ANKRD11: variants seen among roughly 807,000 people sequenced by gnomAD.
The protein encoded by ANKRD11 is ankyrin repeat domain-containing protein 11.
ANKRD11 carries 17 observed loss-of-function variants against 195.7 expected under a neutral mutation model. The observed-to-expected ratio is 0.09, with a 90% CI of 0.06 to 0.13. ANKRD11 has a LOEUF of 0.13. Ranked by LOEUF, ANKRD11 falls within the 10% of genes least tolerant of loss-of-function variation. The pLI is 1.00. For missense variants in ANKRD11, 3,735 were observed against 3,566.1 expected, an observed-to-expected ratio of 1.05 and a Z score of -1.21; for synonymous variants, 1,953 against 1,528.1, an observed-to-expected ratio of 1.28 and a Z score of -6.49.
Position 89,477,881 on chromosome 16 carries a change from G to A in ANKRD11, c.-145+12364C>T, listed in dbSNP as rs146995511. ...TTGAATGCAGGAGAACTGCTTGAAC[G>A]CAGGAGGCGAAGGTTTCAGTGAGCC... On this transcript the variant is annotated intron_variant, in intron 1 of 12. Coordinates refer to ENST00000301030, the MANE Select transcript of ANKRD11 (RefSeq NM_013275.6). Among the ~76,000 whole-genome samples the A allele has an allele frequency of 2.6e-4, 39 of 152,114 alleles. 1 individual carries two copies. In the South Asian group the frequency reaches 5.4e-3, roughly 21 times the overall value.
At chr16:89,391,417 G>C (rs1336775761) in intron 2 of ANKRD11, among the ~76,000 whole-genome samples, 2 of 152,108 alleles carry the variant, frequency 1.3e-5, no homozygotes, top group East Asian at 3.9e-4. Context: ...ACAGTGTCCA[G>C]GCTGCACGGG....
In ANKRD11 at chr16:89,285,267, C is replaced by G; in HGVS notation, c.1275G>C (p.Lys425Asn). ...DASVTVGTGE[K>N]LRLSAHTILP... ...ATATCGTATGTGCCGAGAGTCTCAG[C>G]TTCTCTCCTGTCCCCACGGTGACAC... Residue 425 changes from lysine (K) to asparagine (N), a missense_variant, in exon 9 of 13, where the codon AAG (lysine) becomes AAC (asparagine). Coordinates refer to ENST00000301030, the MANE Select transcript of ANKRD11 (RefSeq NM_013275.6). The surrounding 1 kb of genome is among the most constrained non-coding windows in gnomAD (Gnocchi z 5.6). 1 of 1,613,892 alleles carries G rather than the reference C, an allele frequency of 6.2e-7. No individual in the cohort carries two copies. Among genetic ancestry groups the G allele is most frequent in the Non-Finnish European group, 8.5e-7 (1 of 1,180,032 alleles).
chr16:89,488,191 C>A (rs1364036980), intron 1 of ANKRD11, among the ~76,000 whole-genome samples: 1 of 152,146 alleles, frequency 6.6e-6, no homozygotes, highest in Non-Finnish European at 1.5e-5. Context: ...AAATTTAGCA[C>A]TATCTTGTGG....
At chr16:89,323,664 C>T (rs1296547675) in intron 2 of ANKRD11, 3 of 314,744 alleles carry the variant, frequency 9.5e-6, no homozygotes, top group African/African-American at 4.6e-5. Context: ...TCCCGCACAC[C>T]GCCTGACAGT....
intron 1 of ANKRD11, among the ~76,000 whole-genome samples, chr16:89,480,346 G>GGGT (rs2152371204): frequency 6.9e-6 from 1 of 144,298 alleles, no homozygotes; most frequent in East Asian, 2.2e-4. Flanking sequence ...GCCTGGTGGT[G>GGGT]GGTGCCTGTA....
In ANKRD11 at chr16:89,410,532, G is replaced by A. The variant is rs545848038; in HGVS notation, c.-60+7752C>T. ...CCACGGAAGGGAAACACCTGCCCCC[G>A]GGCTACAAAGGCCACCCTCTGCCCT... On this transcript the variant is annotated intron_variant, in intron 2 of 12. Coordinates refer to ENST00000301030, the MANE Select transcript of ANKRD11 (RefSeq NM_013275.6). Among the ~76,000 whole-genome samples the A allele has an allele frequency of 8.5e-5, 13 of 152,182 alleles. No homozygotes were observed. In the South Asian group the frequency reaches 1.9e-3, roughly 22 times the overall value.
intron 4 of ANKRD11, among the ~76,000 whole-genome samples, chr16:89,296,006 T>TTTTTTTTTTTA (rs1567600750): frequency 2.9e-5 from 4 of 137,878 alleles, no homozygotes; most frequent in African/African-American, 8.3e-5. Context: ...TTTTTTTTTT[T>TTTTTTTTTTTA]GAGACAAGGT....
At position 89,280,043 on chromosome 16, in the gene ANKRD11, G is replaced by A. The variant is rs1419368600; in HGVS notation, c.6499C>T (p.Pro2167Ser). 1.9e-6 allele frequency: 3 copies of A among 1,612,902 alleles called. No homozygotes were observed. The highest frequency in any genetic ancestry group is 2.2e-5 in the South Asian group (2 of 91,088). ...TTTATGACCCCGGGGGCCCCTGGAG[G>A]CATCTCTTCTGGAGGAGCAAGACTT... ...EESLAPPEEM[P>S]PGAPGVINGG... is the part of the protein sequence containing the mutation. Residue 2167 changes from proline to serine, a missense_variant, in exon 9 of 13, where the codon CCT (proline) becomes TCT (serine). Coordinates refer to ENST00000301030, the MANE Select transcript of ANKRD11 (RefSeq NM_013275.6).
chr16:89,288,799 G>A, intron 6 of ANKRD11, 129 bp from the exon 7 acceptor site: 1 of 1,347,218 alleles, frequency 7.4e-7, no homozygotes, highest in Non-Finnish European at 1.0e-6. Context: ...TGTAGTGAGG[G>A]CTGCAGTTTA....
At chr16:89,278,818 G>C (rs1447022763) in intron 9 of ANKRD11, 1 of 672,684 alleles carries the variant, frequency 1.5e-6, no homozygotes, top group Non-Finnish European at 2.7e-6. Context: ...TGCACCCAGG[G>C]TGAGGGGGAG....
Position 89,281,290 on chromosome 16 carries a change from G to A in ANKRD11, c.5252C>T (p.Ala1751Val), listed in dbSNP as rs1271808552. ...DSQHSTPVPTAPTSACSPSFF... is the reference protein window; with the variant it reads ...DSQHSTPVPTVPTSACSPSFF... Reference sequence around the variant, plus strand: ...GGAGGGGGAGCAGGCGCTGGTGGGAGCGGTGGGCACGGGCGTGGAGTGCTG... The same window carrying A: ...GGAGGGGGAGCAGGCGCTGGTGGGAACGGTGGGCACGGGCGTGGAGTGCTG... Residue 1751 changes from alanine (A) to valine (V), a missense_variant, in exon 9 of 13, where the codon GCT (alanine) becomes GTT (valine). Ala to Val is a moderately conservative substitution (Grantham distance 64). Coordinates refer to ENST00000301030, the MANE Select transcript of ANKRD11 (RefSeq NM_013275.6). The surrounding 1 kb of genome is among the most constrained non-coding windows in gnomAD (Gnocchi z 5.5). 1.2e-6 allele frequency: 2 copies of A among 1,614,126 alleles called. No homozygotes were observed. The highest frequency in any genetic ancestry group is 1.7e-6 in the Non-Finnish European group (2 of 1,180,048).
intron 2 of ANKRD11, among the ~76,000 whole-genome samples, chr16:89,347,713 T>C (rs1033969177): frequency 6.6e-6 from 1 of 152,136 alleles, no homozygotes; most frequent in Admixed American, 6.5e-5. Context: ...ATGTTGAGTA[T>C]TGCTTCAGTA....
In ANKRD11 at chr16:89,280,752, G is replaced by A; in HGVS notation, c.5790C>T (p.Tyr1930=). 1.9e-6 allele frequency: 3 copies of A among 1,613,394 alleles called. No homozygotes were observed. Among genetic ancestry groups the A allele is most frequent in the African/African-American group, 2.7e-5 (2 of 75,064 alleles). The change falls in exon 9 of 13, where the codon TAC becomes TAT. Residue 1930 remains tyrosine (Y), a synonymous_variant. Coordinates refer to ENST00000301030, the MANE Select transcript of ANKRD11 (RefSeq NM_013275.6). ...AGGGACCCTCGTCCAGCGGCTCCAG[G>A]TAGCTGGGCTCCGGGGGGATGATGG... ...TAAIIPPEPS[Y]LEPLDEGPFS...
At chr16:89,416,023 G>A (rs1440844654) in intron 2 of ANKRD11, among the ~76,000 whole-genome samples, 5 of 151,734 alleles carry the variant, frequency 3.3e-5, no homozygotes, top group African/African-American at 4.8e-5. Flanking sequence ...GGCCTTCCTC[G>A]TATTCAATCT....
At chr16:89,359,728 C>T (rs1383080929) in intron 2 of ANKRD11, among the ~76,000 whole-genome samples, 1 of 152,208 alleles carries the variant, frequency 6.6e-6, no homozygotes, top group East Asian at 1.9e-4. Flanking sequence ...CAACGGTCTT[C>T]ATATCTGAGT....
At chr16:89,459,238 G>A (rs546338605) in intron 1 of ANKRD11, 155 of 167,654 alleles carry the variant, frequency 9.2e-4, no homozygotes, top group African/African-American at 3.6e-3. Context: ...AGATCTACAT[G>A]AAAGGATGTC....
chr16:89,430,062 ACT>A (rs2042908963), intron 1 of ANKRD11, among the ~76,000 whole-genome samples: 1 of 123,892 alleles, frequency 8.1e-6, no homozygotes, highest in Non-Finnish European at 1.7e-5. Context: ...GGGACTCTCA[ACT>A]CTCACGCTCA....
At chr16:89,358,746 T>C (rs1056603371) in intron 2 of ANKRD11, among the ~76,000 whole-genome samples, 1 of 152,156 alleles carries the variant, frequency 6.6e-6, no homozygotes, top group Non-Finnish European at 1.5e-5. Flanking sequence ...CACCCAGCCC[T>C]AGATAACCCC....
intron 2 of ANKRD11, among the ~76,000 whole-genome samples, chr16:89,386,760 A>T (rs2040930351): frequency 6.6e-6 from 1 of 152,218 alleles, no homozygotes; most frequent in African/African-American, 2.4e-5. Flanking sequence ...TCAATCCAAA[A>T]TAGCACTGTA....
Sources: gnomAD v4.1 joint callset for allele counts (sites outside exome capture counted in the v4.1 genomes callset) on GRCh38, gnomAD v4.1.1 for gene constraint, Gnocchi (gnomAD v3.1) non-coding constraint, MANE v1.5 for transcripts, NCBI Gene and HGNC (gene_info 2026-07-23, HGNC 2026-07-21) for gene names.